Variants in STK31 observed in about 807,000 individuals in gnomAD.
STK31 encodes serine/threonine kinase 31, also known as serine/threonine-protein kinase 31.
A neutral mutation model predicts 129.7 loss-of-function variants in STK31; 89 were observed. The ratio of observed to expected loss-of-function variants is 0.69; its 90% confidence interval spans 0.58 to 0.82. The LOEUF is 0.82. STK31 is among the 40% of genes least tolerant of loss of function. The pLI, the probability that STK31 is intolerant of heterozygous loss-of-function variation, is 0.00. For synonymous variants in STK31, 448 were observed against 395.3 expected (o/e 1.13, Z -1.58); for missense variants, 1,187 against 1,176.4 (o/e 1.01, Z -0.13).
At chr7:23,737,590 C>T (rs1441410876) in intron 8 of STK31, among the ~76,000 whole-genome samples, 1 of 152,060 alleles carries the variant, frequency 6.6e-6, no homozygotes, top group African/African-American at 2.4e-5. Flanking sequence ...TATTTATATC[C>T]AGGCAGTATT....
intron 10 of STK31, 72 bp downstream of exon 10, chr7:23,754,546 TAAAA>T: frequency 1.4e-6 from 2 of 1,459,354 alleles, no homozygotes; most frequent in Non-Finnish European, 9.3e-7. Flanking sequence ...TAATTTCTTC[TAAAA>T]AAAATAACAG....
intron 22 of STK31, among the ~76,000 whole-genome samples, chr7:23,812,952 TACTC>T (rs1312632668): frequency 6.6e-6 from 1 of 152,198 alleles, no homozygotes; most frequent in Non-Finnish European, 1.5e-5. Context: ...ACCGTTTCTT[TACTC>T]ACTCATCTGT....
intron 22 of STK31, among the ~76,000 whole-genome samples, chr7:23,814,573 A>C (rs1381974481): frequency 6.6e-6 from 1 of 152,132 alleles, no homozygotes; most frequent in Non-Finnish European, 1.5e-5. Flanking sequence ...GATTTGCCTC[A>C]AAGATAATAT....
At chr7:23,745,631 A>G (rs569678492) in intron 8 of STK31, among the ~76,000 whole-genome samples, 20 of 152,316 alleles carry the variant, frequency 1.3e-4, no homozygotes, top group African/African-American at 4.6e-4. Context: ...CACTGGTGGC[A>G]GCAGCAGCTA....
intron 22 of STK31, among the ~76,000 whole-genome samples, chr7:23,809,787 T>C (rs1447795387): frequency 6.6e-6 from 1 of 151,854 alleles, no homozygotes; most frequent in Non-Finnish European, 1.5e-5. Context: ...TGCAAGTAAT[T>C]CAGTACCGTA....
intron 23 of STK31, among the ~76,000 whole-genome samples, chr7:23,825,798 G>A (rs1794111858): frequency 6.6e-6 from 1 of 152,028 alleles, no homozygotes; most frequent in African/African-American, 2.4e-5. Context: ...GGTATGTTGT[G>A]TCTTTGTTCT....
chr7:23,823,685 T>G (rs1427986400), intron 23 of STK31, among the ~76,000 whole-genome samples: 3 of 152,252 alleles, frequency 2.0e-5, no homozygotes, highest in Non-Finnish European at 2.9e-5. Context: ...GCCTATGTCC[T>G]GAATGGTATT....
chr7:23,740,096 T>C (rs1787965069), intron 8 of STK31, among the ~76,000 whole-genome samples: 1 of 152,210 alleles, frequency 6.6e-6, no homozygotes, highest in Admixed American at 6.5e-5. Flanking sequence ...TGATTCTTCC[T>C]GTCCACGAGC....
intron 10 of STK31, among the ~76,000 whole-genome samples, chr7:23,761,364 A>T (rs6461730): frequency 1 from 151,842 of 152,144 alleles, 75,772 homozygotes; most frequent in Middle Eastern, 1. Flanking sequence ...TTTAGAATTG[A>T]TAACTTTTAT....
chr7:23,758,327 A>G (rs1290467858), intron 10 of STK31, among the ~76,000 whole-genome samples: 1 of 151,986 alleles, frequency 6.6e-6, no homozygotes, highest in Non-Finnish European at 1.5e-5. Context: ...CCCCTTTAAC[A>G]TTTTTTGTTG....
At chr7:23,816,387 C>T (rs995458877) in intron 23 of STK31, among the ~76,000 whole-genome samples, 4 of 152,158 alleles carry the variant, frequency 2.6e-5, no homozygotes, top group African/African-American at 4.8e-5. Context: ...ACCAAGTTAT[C>T]CTGAAATTTA....
intron 23 of STK31, 85 bp downstream of exon 23, chr7:23,815,297 T>C: frequency 1.0e-6 from 1 of 977,932 alleles, no homozygotes; most frequent in African/African-American, 1.7e-5. Flanking sequence ...GTCCTCCAGT[T>C]TTTCTAAGAA....
chr7:23,761,206 G>C (rs546355566), intron 10 of STK31, among the ~76,000 whole-genome samples: 3 of 152,198 alleles, frequency 2.0e-5, no homozygotes, highest in Admixed American at 2.0e-4. Context: ...TTTTTTGAAA[G>C]CAGAATTTTT....
intron 22 of STK31, among the ~76,000 whole-genome samples, chr7:23,808,598 C>G (rs888085500): frequency 3.3e-5 from 5 of 152,078 alleles, no homozygotes; most frequent in Admixed American, 1.3e-4. Flanking sequence ...CTGAGTCCCA[C>G]TGACAGTATC....
chr7:23,711,867 G>A (rs1022005421), intron 1 of STK31, among the ~76,000 whole-genome samples: 7 of 152,142 alleles, frequency 4.6e-5, no homozygotes, highest in East Asian at 3.8e-4. Flanking sequence ...TAAAAGTTTG[G>A]CTAGAGATAA....
In STK31 at chr7:23,832,121, T is replaced by C. The variant is rs1794588411; in HGVS notation, c.2830-15T>C. Reference sequence around the variant, plus strand: ...TTTTGTTCCTTTGTTTTGTAACACCTGTTTTTCCTTGCAGGATGATAAAGT... The same window carrying C: ...TTTTGTTCCTTTGTTTTGTAACACCCGTTTTTCCTTGCAGGATGATAAAGT... On this transcript the variant is annotated splice_polypyrimidine_tract_variant and intron_variant, in intron 23 of 23. Coordinates refer to ENST00000355870, the MANE Select transcript of STK31 (RefSeq NM_031414.5). 6.3e-7 allele frequency: 1 copy of C among 1,574,982 alleles called. No individual in the cohort carries two copies. Among genetic ancestry groups the C allele is most frequent in the Non-Finnish European group, 8.7e-7 (1 of 1,145,704 alleles).
intron 1 of STK31, among the ~76,000 whole-genome samples, chr7:23,711,430 A>T (rs564649866): frequency 7.8e-6 from 1 of 128,012 alleles, no homozygotes; most frequent in Non-Finnish European, 1.6e-5. Context: ...GTTTGGGGGG[A>T]AAAAAAAAAA....
rs1179561389 is a variant in STK31 at position 23,832,373 on chromosome 7, A to G, written c.*7A>G. On this transcript the variant is annotated 3_prime_UTR_variant, in exon 24 of 24. Transcript: ENST00000355870. Reference sequence around the variant, plus strand: ...AGCCAACTTTGATTGTTAAATTATTATTGTTGTTGTTGCAGAGGTTCTTTT... The same window carrying G: ...AGCCAACTTTGATTGTTAAATTATTGTTGTTGTTGTTGCAGAGGTTCTTTT... 1.3e-6 allele frequency: 2 copies of G among 1,597,550 alleles called. No individual in the cohort carries two copies. Among genetic ancestry groups the G allele is most frequent in the Non-Finnish European group, 8.5e-7 (1 of 1,172,862 alleles).
At chr7:23,819,757 A>G (rs1432614570) in intron 23 of STK31, among the ~76,000 whole-genome samples, 1 of 150,630 alleles carries the variant, frequency 6.6e-6, no homozygotes, top group Non-Finnish European at 1.5e-5. Context: ...ATAAGAGGCA[A>G]ATAAAAGGTA....
Sources: allele counts gnomAD v4.1 joint callset (sites outside exome capture counted in the v4.1 genomes callset), GRCh38; gene constraint gnomAD v4.1.1; transcripts MANE v1.5; gene names NCBI Gene and HGNC (gene_info 2026-07-23, HGNC 2026-07-21).